EIF5B: variants seen among roughly 807,000 people sequenced by gnomAD.
The protein encoded by EIF5B is eukaryotic translation initiation factor 5B, also known as eIF-5B.
In EIF5B, 47 loss-of-function variants were observed where a neutral mutation model predicts 147.5. The ratio of observed to expected loss-of-function variants is 0.32; its 90% confidence interval spans 0.25 to 0.41. The LOEUF (loss-of-function observed/expected upper bound fraction) is 0.41. EIF5B is among the 10% of genes least tolerant of loss of function. The pLI is 1.00. For missense variants in EIF5B, 1,064 were observed against 1,413.2 expected (o/e 0.75, Z 3.96); for synonymous variants, 455 against 456.2 (o/e 1.00, Z 0.03).
chr2:99,377,927 G>A (rs1674597494), intron 10 of EIF5B, among the ~76,000 whole-genome samples: 1 of 152,134 alleles, frequency 6.6e-6, no homozygotes, highest in African/African-American at 2.4e-5. Context: ...AGTATACTTA[G>A]AATTTCTGAG....
At chr2:99,397,525 C>T (rs964552865) in intron 22 of EIF5B, 4 of 152,216 alleles carry the variant, frequency 2.6e-5, no homozygotes, top group Non-Finnish European at 5.9e-5. Flanking sequence ...TTGCAAATCC[C>T]TCCTCCATTT....
chr2:99,345,930 C>G (rs1176393638), intron 1 of EIF5B, among the ~76,000 whole-genome samples: 2 of 128,150 alleles, frequency 1.6e-5, no homozygotes, highest in Non-Finnish European at 3.3e-5. Flanking sequence ...GGTGACAGAG[C>G]TAGACCCTGT....
chr2:99,359,491 T>C (rs538557574), intron 1 of EIF5B, among the ~76,000 whole-genome samples: 1 of 152,352 alleles, frequency 6.6e-6, no homozygotes, highest in African/African-American at 2.4e-5. Context: ...TGGATTCATC[T>C]GCCTTTGCTA....
intron 1 of EIF5B, among the ~76,000 whole-genome samples, chr2:99,342,785 C>T (rs547313799): frequency 3.3e-5 from 5 of 152,128 alleles, no homozygotes; most frequent in Admixed American, 6.5e-5. Context: ...GCATACACCA[C>T]TGTACTCAGC....
chr2:99,354,850 C>T (rs1034478510), intron 1 of EIF5B, among the ~76,000 whole-genome samples: 3 of 139,640 alleles, frequency 2.1e-5, no homozygotes, highest in African/African-American at 5.4e-5. Context: ...TCACCCAGGC[C>T]GTAGTGCAGT....
At chr2:99,338,280 TG>T (rs1447185101) in intron 1 of EIF5B, 1 of 1,281,558 alleles carries the variant, frequency 7.8e-7, no homozygotes, top group African/African-American at 1.5e-5. Flanking sequence ...TGCAATGCTT[TG>T]GGGAGGGAGG....
At chr2:99,364,135 A>G (rs1420614507) in intron 5 of EIF5B, 136 bp from the exon 6 acceptor site, 2 of 1,263,706 alleles carry the variant, frequency 1.6e-6, no homozygotes, top group Non-Finnish European at 2.2e-6. Context: ...CATTTAAAAT[A>G]CTTTGATTTG....
intron 1 of EIF5B, among the ~76,000 whole-genome samples, chr2:99,353,614 G>A (rs1674031255): frequency 6.6e-6 from 1 of 151,946 alleles, no homozygotes; most frequent in African/African-American, 2.4e-5. Context: ...CAGTCAAGAT[G>A]CAGAATATCA....
intron 1 of EIF5B, among the ~76,000 whole-genome samples, chr2:99,342,997 G>A (rs2094263751): frequency 6.7e-6 from 1 of 149,626 alleles, no homozygotes; most frequent in Non-Finnish European, 1.5e-5. Flanking sequence ...GTCTTACTCT[G>A]TTGGCCAGGC....
chr2:99,377,211 A>G (rs1234001067), intron 10 of EIF5B, among the ~76,000 whole-genome samples: 2 of 152,158 alleles, frequency 1.3e-5, no homozygotes, highest in Non-Finnish European at 1.5e-5. Context: ...TTTTAAAGCT[A>G]AAAACTATTT....
chr2:99,351,836 T>A (rs2105339129), intron 1 of EIF5B, among the ~76,000 whole-genome samples: 1 of 152,206 alleles, frequency 6.6e-6, no homozygotes, highest in East Asian at 1.9e-4. Flanking sequence ...TACCTAGGAT[T>A]ACAGGCACGA....
Position 99,399,483 on chromosome 2 carries a change from C to CA in EIF5B, c.*75dup, listed in dbSNP as rs2104268485. ...TTGTAATATCCCAACAAAAATCAGA[C>CA]AAAAAATGGAACAGACGTATTTGGA... On this transcript the variant is annotated 3_prime_UTR_variant, in exon 24 of 24. Coordinates refer to ENST00000289371, the MANE Select transcript of EIF5B (RefSeq NM_015904.4). 7.0e-7 allele frequency: 1 copy of CA among 1,428,842 alleles called. No individual in the cohort carries two copies. The highest frequency in any genetic ancestry group is 9.7e-7 in the Non-Finnish European group (1 of 1,026,024). The allele number at this position is 1,428,842 out of a possible 1,614,324, so 88.5% of individuals were successfully genotyped here.
intron 9 of EIF5B, 92 bp downstream of exon 9, chr2:99,371,822 C>A: frequency 1.7e-6 from 2 of 1,205,430 alleles, no homozygotes; most frequent in Non-Finnish European, 1.1e-6. Flanking sequence ...ATTATGAAAG[C>A]CATATGAACA....
Position 99,401,049 on chromosome 2 carries a change from A to AAAT in EIF5B, c.*1639_*1641dup, listed in dbSNP as rs980168054. The AAAT allele has an allele frequency of 1.8e-4, 75 of 414,738 alleles. No individual in the cohort carries two copies. The highest frequency in any genetic ancestry group is 2.7e-4 in the Non-Finnish European group (61 of 229,894). 25.7% of individuals were successfully genotyped at this position (414,738 alleles called of 1,614,324 possible). On this transcript the variant is annotated 3_prime_UTR_variant, in exon 24 of 24. Transcript: ENST00000289371. The stretch of plus-strand genomic sequence containing the variant: ...TGTAAATAGAATCTATGCTACAGTA[A>AAAT]AATAATTAACACAATTATTTACATG...
chr2:99,339,455 T>TA (rs1288333517), intron 1 of EIF5B, among the ~76,000 whole-genome samples: 6 of 152,292 alleles, frequency 3.9e-5, no homozygotes, highest in African/African-American at 1.4e-4. Flanking sequence ...ATTGTCTTAT[T>TA]ACAGTTTTTT....
In EIF5B at chr2:99,361,627, G is replaced by A. The variant is rs531503512; in HGVS notation, c.726G>A (p.Lys242=). 3.1e-4 allele frequency: 494 copies of A among 1,593,488 alleles called. 3 individuals are homozygous for A. Among genetic ancestry groups the A allele is most frequent in the South Asian group, 5.4e-4 (46 of 85,574 alleles). ...AAAAGAAGGAGCGCGAGAGAAAAAA[G>A]CGAGATGAAGAAAAAGCGAAACTGC... is the stretch of plus-strand genomic sequence containing the variant. ...KAEKKERERK[K]RDEEKAKLRK... Residue 242 remains lysine, a synonymous_variant, in exon 4 of 24, where the codon AAG becomes AAA. Transcript: ENST00000289371.
chr2:99,372,156 T>C (rs1199997952), intron 9 of EIF5B, among the ~76,000 whole-genome samples: 3 of 152,232 alleles, frequency 2.0e-5, no homozygotes, highest in African/African-American at 4.8e-5. Context: ...TAATTTCCTG[T>C]TAATTTTACT....
chr2:99,360,646 T>A, intron 3 of EIF5B, 97 bp downstream of exon 3: 1 of 1,079,418 alleles, frequency 9.3e-7, no homozygotes, highest in Non-Finnish European at 1.3e-6. Context: ...TTTTGAGCAG[T>A]GTACAATATG....
rs1559259784 is a variant in EIF5B at position 99,390,283 on chromosome 2, C to T, written c.2468C>T (p.Thr823Ile). Residue 823 changes from threonine to isoleucine, a missense_variant, in exon 16 of 24, where the codon ACC becomes ATC. Thr to Ile is a moderately conservative substitution (Grantham distance 89, BLOSUM62 -1). Transcript: ENST00000289371. ...CGCACTTTTGTGTCTTTGGTACCTACCTCTGCACATACTGGTGATGGCATG... is the reference window on the plus strand; with the variant it reads ...CGCACTTTTGTGTCTTTGGTACCTATCTCTGCACATACTGGTGATGGCATG... The part of the protein sequence containing the change: ...DPRTFVSLVP[T>I]SAHTGDGMGS... The T allele has an allele frequency of 2.5e-6, 4 of 1,614,094 alleles. No individual in the cohort carries two copies. Among genetic ancestry groups the T allele is most frequent in the Non-Finnish European group, 3.4e-6 (4 of 1,180,012 alleles).
Sources: gnomAD v4.1 joint callset for allele counts (sites outside exome capture counted in the v4.1 genomes callset) on GRCh38, gnomAD v4.1.1 for gene constraint, MANE v1.5 for transcripts, NCBI Gene and HGNC (gene_info 2026-07-23, HGNC 2026-07-21) for gene names.